TCF7L1: variants seen among roughly 807,000 people sequenced by gnomAD.
The protein encoded by TCF7L1 is transcription factor 7-like 1.
A neutral mutation model predicts 63.7 loss-of-function variants in TCF7L1; 18 were observed. That is an observed-to-expected ratio of 0.28 (90% confidence interval 0.20 to 0.42). The LOEUF is 0.42. Among genes scored for constraint, TCF7L1 ranks in the 10% least tolerant of loss-of-function variants. The pLI, the probability that TCF7L1 is intolerant of heterozygous loss-of-function variation, is 1.00. For missense variants in TCF7L1, 654 were observed against 779.3 expected, an observed-to-expected ratio of 0.84 and a Z score of 1.91; for synonymous variants, 355 against 340.9, an observed-to-expected ratio of 1.04 and a Z score of -0.46.
intron 4 of TCF7L1, among the ~76,000 whole-genome samples, chr2:85,288,031 A>G (rs187277648): frequency 2.4e-3 from 365 of 152,328 alleles, no homozygotes; most frequent in Middle Eastern, 6.8e-3. Context: ...CTACCACAAA[A>G]TAAGTCCTCA....
chr2:85,219,389 C>T (rs1679793289), intron 3 of TCF7L1, among the ~76,000 whole-genome samples: 1 of 151,246 alleles, frequency 6.6e-6, no homozygotes, highest in African/African-American at 2.5e-5. Context: ...AGCAAATCTA[C>T]TACACATGAG....
chr2:85,241,452 T>G (rs1371334702), intron 3 of TCF7L1, among the ~76,000 whole-genome samples: 33 of 143,290 alleles, frequency 2.3e-4, no homozygotes, highest in African/African-American at 6.2e-4. Flanking sequence ...TTTTTTTTTT[T>G]TTTTTTTTTT....
intron 3 of TCF7L1, among the ~76,000 whole-genome samples, chr2:85,175,882 C>T (rs1260800693): frequency 6.6e-6 from 1 of 152,184 alleles, no homozygotes; most frequent in Non-Finnish European, 1.5e-5. Flanking sequence ...CTGTCACCAG[C>T]CACGTTTAGG....
At chr2:85,280,299 C>T (rs1054099218) in intron 3 of TCF7L1, among the ~76,000 whole-genome samples, 2 of 152,164 alleles carry the variant, frequency 1.3e-5, no homozygotes, top group Non-Finnish European at 2.9e-5. Context: ...GGACAGCCCA[C>T]CACCCCCAAT....
intron 3 of TCF7L1, among the ~76,000 whole-genome samples, chr2:85,204,060 T>G (rs1415273402): frequency 6.6e-6 from 1 of 152,160 alleles, no homozygotes; most frequent in Admixed American, 6.6e-5. Context: ...CTTTTTATAT[T>G]TAATAAAGAG....
intron 3 of TCF7L1, among the ~76,000 whole-genome samples, chr2:85,139,169 C>T (rs1299483971): frequency 6.6e-6 from 1 of 152,066 alleles, no homozygotes; most frequent in Non-Finnish European, 1.5e-5. Flanking sequence ...CCACCACGCC[C>T]AGCCAATTTT....
chr2:85,263,223 G>A (rs565333951), intron 3 of TCF7L1, among the ~76,000 whole-genome samples: 1 of 151,920 alleles, frequency 6.6e-6, no homozygotes, highest in African/African-American at 2.4e-5. Flanking sequence ...GTGTTGTTGG[G>A]AATAGGCAGT....
At chr2:85,167,920 C>T (rs1223974671) in intron 3 of TCF7L1, among the ~76,000 whole-genome samples, 3 of 152,100 alleles carry the variant, frequency 2.0e-5, no homozygotes, top group African/African-American at 7.2e-5. Flanking sequence ...ATGGATGGAC[C>T]TGGAGGACAT....
intron 4 of TCF7L1, among the ~76,000 whole-genome samples, chr2:85,285,108 C>T (rs941082848): frequency 3.3e-5 from 5 of 152,108 alleles, no homozygotes; most frequent in African/African-American, 1.2e-4. Context: ...TGGCGGGCGC[C>T]TGTAGTCCCA....
At chr2:85,227,392 T>C (rs1195793554) in intron 3 of TCF7L1, among the ~76,000 whole-genome samples, 1 of 151,702 alleles carries the variant, frequency 6.6e-6, no homozygotes, top group Non-Finnish European at 1.5e-5. Context: ...CATTCGAATT[T>C]CAGAAAACTT....
intron 3 of TCF7L1, among the ~76,000 whole-genome samples, chr2:85,250,397 CG>C (rs1290463274): frequency 2.0e-5 from 3 of 151,966 alleles, no homozygotes; most frequent in Non-Finnish European, 2.9e-5. Context: ...AAAAAGCACT[CG>C]GTAATATATT....
At chr2:85,220,276 G>A (rs1679811785) in intron 3 of TCF7L1, among the ~76,000 whole-genome samples, 1 of 151,898 alleles carries the variant, frequency 6.6e-6, no homozygotes, top group Non-Finnish European at 1.5e-5. Context: ...AAGAGGTGGG[G>A]AGCTCTAGAT....
intron 3 of TCF7L1, among the ~76,000 whole-genome samples, chr2:85,256,780 T>A (rs7592438): frequency 0.11 from 17,386 of 151,982 alleles, 1,153 homozygotes; most frequent in South Asian, 0.18. Context: ...GTGTCAGGAG[T>A]TCGAGACCAG....
intron 3 of TCF7L1, among the ~76,000 whole-genome samples, chr2:85,170,014 T>C (rs764771493): frequency 3.0e-4 from 46 of 152,252 alleles, no homozygotes; most frequent in Non-Finnish European, 5.1e-4. Flanking sequence ...AAAGTTGATA[T>C]CGCATAAACC....
intron 4 of TCF7L1, among the ~76,000 whole-genome samples, chr2:85,295,257 A>G (rs1006994833): frequency 1.5e-4 from 23 of 152,132 alleles, no homozygotes; most frequent in Admixed American, 1.5e-3. Context: ...GCTGGAGTGC[A>G]ATGACGCGAT....
chr2:85,217,695 C>G (rs933851107), intron 3 of TCF7L1, among the ~76,000 whole-genome samples: 1 of 152,192 alleles, frequency 6.6e-6, no homozygotes, highest in African/African-American at 2.4e-5. Flanking sequence ...CCTGTATAGG[C>G]CAAGTATCCC....
intron 3 of TCF7L1, among the ~76,000 whole-genome samples, chr2:85,180,216 T>TTTTTTG (rs1553396765): frequency 1.3e-5 from 2 of 151,412 alleles, no homozygotes; most frequent in Non-Finnish European, 2.9e-5. Context: ...AGTGGTTTTT[T>TTTTTTG]TTTTTGTTTT....
intron 3 of TCF7L1, among the ~76,000 whole-genome samples, chr2:85,148,960 G>A (rs906233807): frequency 2.0e-5 from 3 of 151,884 alleles, no homozygotes; most frequent in Non-Finnish European, 2.9e-5. Context: ...TGTATTTTTA[G>A]TAGAGATGGG....
chr2:85,286,311 C>T lies in TCF7L1; in HGVS notation c.525+2733C>T, dbSNP rs185678176. ...TGGAAGTTGCAGTGAGCTGAGATTGCACCACTGCACTCCAGCCTGGGCAAC... is the reference window on the plus strand; with the variant it reads ...TGGAAGTTGCAGTGAGCTGAGATTGTACCACTGCACTCCAGCCTGGGCAAC... On this transcript the variant is annotated intron_variant, in intron 4 of 11. Transcript: ENST00000282111. Among the ~76,000 whole-genome samples, 359 of 151,196 alleles carry T rather than the reference C, an allele frequency of 2.4e-3. 1 individual carries two copies. The highest frequency in any genetic ancestry group is 8.2e-3 in the African/African-American group (338 of 41,160).
Sources: gnomAD v4.1 joint callset for allele counts (sites outside exome capture counted in the v4.1 genomes callset) on GRCh38, gnomAD v4.1.1 for gene constraint, MANE v1.5 for transcripts, NCBI Gene and HGNC (gene_info 2026-07-23, HGNC 2026-07-21) for gene names.